ARHGAP29: variants seen among roughly 807,000 people sequenced by gnomAD.
ARHGAP29 encodes the protein rho GTPase-activating protein 29.
In ARHGAP29, 43 loss-of-function variants were observed where a neutral mutation model predicts 122.6. The observed-to-expected ratio is 0.35, with a 90% CI of 0.27 to 0.45. The LOEUF (loss-of-function observed/expected upper bound fraction) is 0.45, where lower values mean the gene tolerates loss of function less well. ARHGAP29 is among the 20% of genes least tolerant of loss of function. ARHGAP29 has a pLI of 1.00. For synonymous variants in ARHGAP29, 506 were observed against 497.1 expected, an observed-to-expected ratio of 1.02 and a Z score of -0.24; for missense variants, 1,303 against 1,477.2, an observed-to-expected ratio of 0.88 and a Z score of 1.93.
chr1:94,249,087 C>T (rs1211396127), intron 1 of ARHGAP29, among the ~76,000 whole-genome samples: 1 of 152,208 alleles, frequency 6.6e-6, no homozygotes, highest in African/African-American at 2.4e-5. Flanking sequence ...GGATAAATGG[C>T]TGTGTTTGGC....
chr1:94,196,256 C>CTTTTTTTTT (rs917635883), intron 12 of ARHGAP29, among the ~76,000 whole-genome samples: 1,726 of 90,866 alleles, frequency 0.019, no homozygotes, highest in Non-Finnish European at 0.024. Flanking sequence ...CCGTGTTTTT[C>CTTTTTTTTT]TTTTTTTTTT....
chr1:94,275,755 A>G (rs942237029), upstream of ARHGAP29, among the ~76,000 whole-genome samples: 1 of 152,096 alleles, frequency 6.6e-6, no homozygotes, highest in Non-Finnish European at 1.5e-5. Context: ...AACATATAAG[A>G]GAGTGTGTTA....
At chr1:94,302,702 C>T in the ARHGAP29 span, 1 of 427,826 alleles carries the variant, frequency 2.3e-6, no homozygotes, top group South Asian at 1.7e-5. Flanking sequence ...ACAGGAAGCT[C>T]AGTGGTGTGG....
intron 1 of ARHGAP29, among the ~76,000 whole-genome samples, chr1:94,262,754 G>A (rs574957263): frequency 6.6e-6 from 1 of 152,304 alleles, no homozygotes; most frequent in African/African-American, 2.4e-5. Flanking sequence ...AAAAATGACA[G>A]ATGCTGGCAA....
rs753958113 is a variant in ARHGAP29, at chr1:94,184,221, A to G, written c.2177T>C (p.Met726Thr). 5.0e-6 allele frequency: 8 copies of G among 1,612,564 alleles called. No homozygotes were observed. Among genetic ancestry groups the G allele is most frequent in the South Asian group, 1.1e-5 (1 of 90,672 alleles). ...EKLCQALENG[M>T]HLVDISEFSS... Reference sequence around the variant, plus strand: ...AAATTCTGAAATATCTACCAAGTGCATTCCATTTTCCAAAGCTTGACACAA... The same window carrying G: ...AAATTCTGAAATATCTACCAAGTGCGTTCCATTTTCCAAAGCTTGACACAA... Residue 726 changes from methionine (M) to threonine (T), a missense_variant, in exon 19 of 23, where the codon ATG (methionine) becomes ACG (threonine). Physicochemically the swap from Met to Thr is moderately conservative, Grantham distance 81. Around this residue, in one of 3 missense-constraint regions of ARHGAP29, gnomAD observed 620 missense variants for 651.2 expected, o/e 0.95. Coordinates refer to ENST00000260526, the MANE Select transcript of ARHGAP29 (RefSeq NM_004815.4).
At chr1:94,285,873 CAAA>C in the ARHGAP29 span, among the ~76,000 whole-genome samples, 4 of 72,628 alleles carry the variant, frequency 5.5e-5, no homozygotes, top group Non-Finnish European at 5.7e-5. Context: ...GACTCTGTCT[CAAA>C]AAAAAAAAAA....
At chr1:94,243,645 G>C (rs1163620506) in intron 1 of ARHGAP29, among the ~76,000 whole-genome samples, 1 of 151,868 alleles carries the variant, frequency 6.6e-6, no homozygotes, top group Non-Finnish European at 1.5e-5. Flanking sequence ...AGAAAACAAA[G>C]AGCAAATTAT....
intron 1 of ARHGAP29, among the ~76,000 whole-genome samples, chr1:94,233,242 C>CT (rs1475330051): frequency 6.6e-6 from 1 of 152,088 alleles, no homozygotes; most frequent in Non-Finnish European, 1.5e-5. Context: ...CATGAGCCAC[C>CT]ATGCCTGGCC....
intron 2 of ARHGAP29, among the ~76,000 whole-genome samples, chr1:94,225,870 T>C (rs1251112252): frequency 6.6e-6 from 1 of 152,038 alleles, no homozygotes; most frequent in African/African-American, 2.4e-5. Flanking sequence ...CAATGTTTGC[T>C]TGTTTCTCTA....
At chr1:94,220,194 A>G (rs1355386579) in intron 3 of ARHGAP29, 64 bp downstream of exon 3, 2 of 1,584,476 alleles carry the variant, frequency 1.3e-6, no homozygotes, top group Non-Finnish European at 1.7e-6. Context: ...TTCACTATAG[A>G]CCAAAATATA....
At position 94,189,946 on chromosome 1, in the gene ARHGAP29, A is replaced by C. The variant is rs143329885; in HGVS notation, c.1419T>G (p.Thr473=). 5.6e-6 allele frequency: 9 copies of C among 1,613,198 alleles called. No homozygotes were observed. The African/African-American group carries it at 9.3e-5, about 17-fold the overall frequency. Reference sequence around the variant, plus strand: ...CTCACCCATCAACTTTTTCTTCTTCAGTTGAATTTGTGGCCTTGACAAATT... The same window carrying C: ...CTCACCCATCAACTTTTTCTTCTTCCGTTGAATTTGTGGCCTTGACAAATT... ...YSEFVKATNS[T]EEEKVDGNVN... is the part of the protein sequence containing the mutation. Residue 473 remains threonine (T), a synonymous_variant, in exon 13 of 23, where the codon ACT becomes ACG. Coordinates refer to ENST00000260526, the MANE Select transcript of ARHGAP29 (RefSeq NM_004815.4).
intron 18 of ARHGAP29, 86 bp from the exon 19 acceptor site, chr1:94,184,374 A>G: frequency 1.1e-6 from 1 of 946,930 alleles, no homozygotes; most frequent in Non-Finnish European, 1.6e-6. Context: ...TTGATTTTCA[A>G]TCTTTTCACT....
rs912257204 is a variant in ARHGAP29 at position 94,212,450 on chromosome 1, A to G, written c.341-3100T>C. Among the ~76,000 whole-genome samples, 54 of 152,204 alleles carry G rather than the reference A, an allele frequency of 3.5e-4. 1 individual carries two copies. The highest frequency in any genetic ancestry group is 1.5e-5 in the Non-Finnish European group (1 of 68,044). Reference sequence around the variant, plus strand: ...TCAATAAAGCTGTTTATAAAAATACATTGTAGACTTTAAATAGTAATTTAT... The same window carrying G: ...TCAATAAAGCTGTTTATAAAAATACGTTGTAGACTTTAAATAGTAATTTAT... On this transcript the variant is annotated intron_variant, in intron 3 of 22. Transcript: ENST00000260526.
rs1648803017 is a variant in ARHGAP29, at chr1:94,172,553, T to C, written c.*1316A>G. Reference sequence around the variant, plus strand: ...AATGGTTAATAACCTTAAACTCTCATACTGTAATAGGCAACAACTGAAAAG... The same window carrying C: ...AATGGTTAATAACCTTAAACTCTCACACTGTAATAGGCAACAACTGAAAAG... On this transcript the variant is annotated 3_prime_UTR_variant, in exon 23 of 23. Transcript: ENST00000260526. The C allele has an allele frequency of 6.6e-6, 1 of 151,208 alleles. No individual in the cohort carries two copies. The highest frequency in any genetic ancestry group is 1.5e-5 in the Non-Finnish European group (1 of 67,874). The allele number at this position is 151,208 out of a possible 1,614,324, so 9.4% of individuals were successfully genotyped here. A position where few individuals can be genotyped will look rare whatever the true frequency, so the allele number is the denominator to read the frequency against.
At chr1:94,243,384 G>C (rs1303281747) in intron 1 of ARHGAP29, among the ~76,000 whole-genome samples, 1 of 151,960 alleles carries the variant, frequency 6.6e-6, no homozygotes, top group Non-Finnish European at 1.5e-5. Flanking sequence ...TTTGAAACTA[G>C]TAACAGAAAG....
Position 94,203,960 on chromosome 1 carries a change from T to G in ARHGAP29, c.732A>C (p.Ala244=). ...LESTRNMVKL[A]EATRTNIGIQ... ...TTCCAATGTTAGTTCTAGTTGCCTCTGCCAACTTGACCATATTTCTAGTGG... is the reference window on the plus strand; with the variant it reads ...TTCCAATGTTAGTTCTAGTTGCCTCGGCCAACTTGACCATATTTCTAGTGG... Residue 244 remains alanine (A), a synonymous_variant, in exon 8 of 23, where the codon GCA becomes GCC. Coordinates refer to ENST00000260526, the MANE Select transcript of ARHGAP29 (RefSeq NM_004815.4). 1.2e-6 allele frequency: 2 copies of G among 1,613,972 alleles called. No individual in the cohort carries two copies. Among genetic ancestry groups the G allele is most frequent in the East Asian group, 4.5e-5 (2 of 44,842 alleles).
chr1:94,174,082 A>G lies in ARHGAP29; in HGVS notation c.3573T>C (p.Pro1191=), dbSNP rs756841095. 23 of 1,614,168 alleles carry G rather than the reference A, an allele frequency of 1.4e-5. No individual in the cohort carries two copies. Among genetic ancestry groups the G allele is most frequent in the Non-Finnish European group, 1.6e-5 (19 of 1,180,034 alleles). The part of the protein sequence containing the change: ...EKPASPSAAV[P]PGTDHDPHGL... ...CGTGGGGATCGTGATCTGTGCCAGGAGGCACTGCTGCTGAGGGTGAAGCTG... is the reference window on the plus strand; with the variant it reads ...CGTGGGGATCGTGATCTGTGCCAGGGGGCACTGCTGCTGAGGGTGAAGCTG... Residue 1191 remains proline, a synonymous_variant, in exon 23 of 23, where the codon CCT becomes CCC. Coordinates refer to ENST00000260526, the MANE Select transcript of ARHGAP29 (RefSeq NM_004815.4).
Position 94,174,688 on chromosome 1 carries a change from A to T in ARHGAP29, c.2967T>A (p.Gly989=). Reference sequence around the variant, plus strand: ...TCAGAGAAAGTGGCTTAGGGGTTTTACCATCTTCTATCTTTTGGGATGCTG... The same window carrying T: ...TCAGAGAAAGTGGCTTAGGGGTTTTTCCATCTTCTATCTTTTGGGATGCTG... ...AESASQKIED[G]KTPKPLSLKS... The change falls in exon 23 of 23, where the codon GGT becomes GGA. Residue 989 remains glycine (G), a synonymous_variant. Transcript: ENST00000260526. 1 of 1,614,084 alleles carries T rather than the reference A, an allele frequency of 6.2e-7. No homozygotes were observed.
chr1:94,266,894 A>T (rs1202956915), intron 1 of ARHGAP29, among the ~76,000 whole-genome samples: 1 of 152,200 alleles, frequency 6.6e-6, no homozygotes, highest in Non-Finnish European at 1.5e-5. Flanking sequence ...AAAGCTTTAC[A>T]ACTTTGGACA....
Sources: gnomAD v4.1 joint callset for allele counts (sites outside exome capture counted in the v4.1 genomes callset) on GRCh38, gnomAD v4.1.1 for gene constraint, gnomAD v4.1.1 regional missense constraint, MANE v1.5 for transcripts, NCBI Gene and HGNC (gene_info 2026-07-23, HGNC 2026-07-21) for gene names.